HIVEP3: variants seen among roughly 807,000 people sequenced by gnomAD.
HIVEP3 encodes HIVEP zinc finger 3.
In HIVEP3, 49 loss-of-function variants were observed where a neutral mutation model predicts 152.8. The observed-to-expected ratio is 0.32, with a 90% CI of 0.26 to 0.41. The LOEUF (loss-of-function observed/expected upper bound fraction) is 0.41, where lower values mean the gene tolerates loss of function less well. Ranked by LOEUF, HIVEP3 falls within the 10% of genes least tolerant of loss-of-function variation. The probability of loss-of-function intolerance (pLI) is 1.00; values close to 1 mark genes in which losing one functional copy is unlikely to be tolerated. For missense variants in HIVEP3, 2,790 were observed against 3,103.3 expected (o/e 0.90, Z 2.40); for synonymous variants, 1,269 against 1,289.0 (o/e 0.98, Z 0.33).
intron 1 of HIVEP3, among the ~76,000 whole-genome samples, chr1:42,025,126 T>TCTC (rs2124537425): frequency 6.6e-6 from 1 of 152,318 alleles, no homozygotes; most frequent in African/African-American, 2.4e-5. Context: ...TTCTCTTTCC[T>TCTC]CTCCTTTCCA....
chr1:42,000,677 A>G (rs1198778091), intron 1 of HIVEP3, among the ~76,000 whole-genome samples: 2 of 152,216 alleles, frequency 1.3e-5, no homozygotes, highest in African/African-American at 4.8e-5. Context: ...TTCTCCTGCA[A>G]TATACAATGA....
At chr1:41,969,867 A>C (rs1645219690) in intron 1 of HIVEP3, among the ~76,000 whole-genome samples, 1 of 152,206 alleles carries the variant, frequency 6.6e-6, no homozygotes, top group South Asian at 2.1e-4. Context: ...TACAAGCAAA[A>C]AACAACCCCA....
chr1:41,812,681 G>A (rs1239404495), intron 1 of HIVEP3, among the ~76,000 whole-genome samples: 1 of 152,048 alleles, frequency 6.6e-6, no homozygotes, highest in Non-Finnish European at 1.5e-5. Flanking sequence ...GCTGGTAGGG[G>A]GTGGGGGGGG....
rs1246664866 is a variant in HIVEP3, at chr1:41,509,820, T to C, written c.*631A>G. On this transcript the variant is annotated 3_prime_UTR_variant, in exon 9 of 9. Coordinates refer to ENST00000372583, the MANE Select transcript of HIVEP3 (RefSeq NM_024503.5). ...TAGGAAAAGTATCATTTTATTTTCT[T>C]GCAAAAAAAAAAAAAAAAAAAAAAA... The C allele has an allele frequency of 2.2e-5, 2 of 88,972 alleles. No individual in the cohort carries two copies. Among genetic ancestry groups the C allele is most frequent in the Admixed American group, 3.3e-4 (2 of 6,146 alleles). The allele number at this position is 88,972 out of a possible 1,614,324, so 5.5% of individuals were successfully genotyped here.
rs962396337 is a variant in HIVEP3 at position 41,804,813 on chromosome 1, T to C, written c.-800-103818A>G. On this transcript the variant is annotated intron_variant, in intron 1 of 8. Transcript: ENST00000372583. ...AAGTGGATTAGAGGAGTTACTCACA[T>C]GCTAGATTGTTTTAGAGCATCTCCT... Among the ~76,000 whole-genome samples the C allele has an allele frequency of 4.6e-5, 7 of 152,226 alleles. No homozygotes were observed. The South Asian group carries it at 1.0e-3, about 22-fold the overall frequency.
At chr1:41,751,752 G>C (rs1296522090) in intron 1 of HIVEP3, among the ~76,000 whole-genome samples, 1 of 152,208 alleles carries the variant, frequency 6.6e-6, no homozygotes, top group Non-Finnish European at 1.5e-5. Context: ...AGGCAGGAGA[G>C]TGTCTAATGC....
intron 1 of HIVEP3, among the ~76,000 whole-genome samples, chr1:41,962,768 C>T (rs1645175838): frequency 6.6e-6 from 1 of 152,114 alleles, no homozygotes; most frequent in African/African-American, 2.4e-5. Flanking sequence ...GTACTAGAGC[C>T]CCACCGAACT....
intron 5 of HIVEP3, among the ~76,000 whole-genome samples, chr1:41,571,511 T>A (rs1008148151): frequency 1.3e-5 from 2 of 152,190 alleles, no homozygotes; most frequent in Admixed American, 1.3e-4. Flanking sequence ...GAGGGGGCCA[T>A]GTGCCAGGAA....
intron 1 of HIVEP3, among the ~76,000 whole-genome samples, chr1:41,802,085 G>A (rs926722722): frequency 6.6e-6 from 1 of 152,232 alleles, no homozygotes; most frequent in Non-Finnish European, 1.5e-5. Context: ...TCTGCTCAAT[G>A]CTGGACTGGT....
chr1:41,710,268 G>A (rs1332834838), intron 1 of HIVEP3, among the ~76,000 whole-genome samples: 3 of 152,104 alleles, frequency 2.0e-5, no homozygotes, highest in Non-Finnish European at 4.4e-5. Context: ...CATCTGCAGG[G>A]CTAGAAAGAT....
chr1:41,868,496 A>C (rs924500027), intron 1 of HIVEP3, among the ~76,000 whole-genome samples: 43 of 152,334 alleles, frequency 2.8e-4, no homozygotes, highest in African/African-American at 1.0e-3. Flanking sequence ...CACTGAAAAC[A>C]GATACACCCC....
chr1:41,967,657 A>T (rs1303590079), intron 1 of HIVEP3, among the ~76,000 whole-genome samples: 3 of 152,236 alleles, frequency 2.0e-5, no homozygotes, highest in African/African-American at 7.2e-5. Flanking sequence ...AAGAGCAAAC[A>T]AACCCCAAAG....
chr1:41,809,926 A>G (rs1473114989), intron 1 of HIVEP3, among the ~76,000 whole-genome samples: 4 of 152,224 alleles, frequency 2.6e-5, no homozygotes, highest in Non-Finnish European at 5.9e-5. Flanking sequence ...TCAATGTCTC[A>G]TTCCAGGAGA....
intron 2 of HIVEP3, among the ~76,000 whole-genome samples, chr1:41,700,518 C>T (rs1049912195): frequency 7.2e-5 from 11 of 152,232 alleles, no homozygotes; most frequent in African/African-American, 2.4e-4. Flanking sequence ...GTCAGCCCCA[C>T]TGTCCTCCCC....
chr1:41,782,683 G>A (rs1234417441), intron 1 of HIVEP3, among the ~76,000 whole-genome samples: 2 of 142,622 alleles, frequency 1.4e-5, no homozygotes, highest in Non-Finnish European at 3.0e-5. Context: ...AGTGAGCTGA[G>A]ACCAAGCCAT....
chr1:41,518,515 T>A, intron 6 of HIVEP3, 27 bp from the exon 7 acceptor site: 1 of 1,597,490 alleles, frequency 6.3e-7, no homozygotes, highest in Non-Finnish European at 8.6e-7. Context: ...ATACTTAGGC[T>A]CTGCTATGGG....
intron 1 of HIVEP3, among the ~76,000 whole-genome samples, 156 bp from the exon 2 acceptor site, chr1:41,701,151 G>A (rs1218467589): frequency 6.6e-6 from 1 of 152,240 alleles, no homozygotes; most frequent in East Asian, 1.9e-4. Flanking sequence ...ACGAGGTCAA[G>A]ATCAGGTCCC....
intron 3 of HIVEP3, among the ~76,000 whole-genome samples, chr1:41,598,361 A>C (rs1644697022): frequency 6.6e-6 from 1 of 152,222 alleles, no homozygotes; most frequent in Non-Finnish European, 1.5e-5. Flanking sequence ...TAGGTAGTTA[A>C]GGTTCTTGTG....
chr1:41,675,126 G>A (rs72955302), intron 2 of HIVEP3, among the ~76,000 whole-genome samples: 10,341 of 152,116 alleles, frequency 0.068, 1,164 homozygotes, highest in African/African-American at 0.24. Flanking sequence ...GTACCCCTGT[G>A]TGCCCCATGC....
Sources: gnomAD v4.1 joint callset for allele counts (sites outside exome capture counted in the v4.1 genomes callset) on GRCh38, gnomAD v4.1.1 for gene constraint, MANE v1.5 for transcripts, NCBI Gene and HGNC (gene_info 2026-07-23, HGNC 2026-07-21) for gene names.